The following DNAJC21 variants were observed in gnomAD, a reference collection of about 807,000 sequenced individuals.
The protein encoded by DNAJC21 is DnaJ heat shock protein family (Hsp40) member C21.
In DNAJC21, 63 loss-of-function variants were observed where a neutral mutation model predicts 72.4. The ratio of observed to expected loss-of-function variants is 0.87; its 90% CI spans 0.71 to 1.07. The LOEUF is 1.07. Among genes scored for constraint, DNAJC21 ranks in the 50% least tolerant of loss-of-function variants. The pLI is 0.00. For synonymous variants in DNAJC21, 203 were observed against 216.7 expected (o/e 0.94, Z 0.56); for missense variants, 634 against 644.8 (o/e 0.98, Z 0.18).
chr5:34,934,561 C>A (rs1319572217), intron 2 of DNAJC21, among the ~76,000 whole-genome samples: 2 of 151,966 alleles, frequency 1.3e-5, no homozygotes, highest in African/African-American at 4.8e-5. Flanking sequence ...GAATGGTAAT[C>A]CTCAAAACTA....
intron 9 of DNAJC21, among the ~76,000 whole-genome samples, chr5:34,946,491 T>C (rs971542648): frequency 1.3e-5 from 2 of 152,122 alleles, no homozygotes; most frequent in African/African-American, 4.8e-5. Flanking sequence ...CATTAATGCT[T>C]TTTAATAAAA....
intron 10 of DNAJC21, chr5:34,951,871 C>T: frequency 1.0e-6 from 1 of 985,440 alleles, no homozygotes; most frequent in Non-Finnish European, 1.2e-6. Flanking sequence ...AAGAAGGGTT[C>T]TCAGGCTTGG....
intron 9 of DNAJC21, among the ~76,000 whole-genome samples, chr5:34,948,594 C>A (rs553033201): frequency 3.3e-5 from 5 of 152,168 alleles, no homozygotes; most frequent in Non-Finnish European, 4.4e-5. Context: ...TGGCCAGGTG[C>A]GGTGGCTCAC....
chr5:34,952,797 T>C (rs972208916), intron 10 of DNAJC21: 1 of 152,206 alleles, frequency 6.6e-6, no homozygotes, highest in Non-Finnish European at 1.5e-5. Flanking sequence ...ACAAAGTCTT[T>C]GTTTCACTCA....
At chr5:34,939,263 T>G (rs1026992295) in intron 6 of DNAJC21, among the ~76,000 whole-genome samples, 2 of 142,666 alleles carry the variant, frequency 1.4e-5, no homozygotes, top group Admixed American at 6.8e-5. Flanking sequence ...GTGTGACTAT[T>G]TTTTTTTTTT....
chr5:34,954,103 G>A (rs1765463266), intron 11 of DNAJC21, 102 bp downstream of exon 11: 2 of 1,046,072 alleles, frequency 1.9e-6, no homozygotes, highest in Non-Finnish European at 2.7e-6. Flanking sequence ...ATTCCGCAAA[G>A]AGCCTGCAAA....
chr5:34,958,903 T>C lies in DNAJC21; in HGVS notation c.*4189T>C, dbSNP rs923693807. ...AAAACAAAAAATGAGAAGAGTGGTA[T>C]TGTTTTACATTTTTACAAATCTCTT... On this transcript the variant is annotated 3_prime_UTR_variant, in exon 12 of 12. Coordinates refer to ENST00000648817, the MANE Select transcript of DNAJC21 (RefSeq NM_001012339.3). The C allele has an allele frequency of 6.6e-6, 1 of 152,214 alleles. No individual in the cohort carries two copies. Among genetic ancestry groups the C allele is most frequent in the African/African-American group, 2.4e-5 (1 of 41,450 alleles). 9.4% of individuals were successfully genotyped at this position (152,214 alleles called of 1,614,324 possible).
intron 9 of DNAJC21, among the ~76,000 whole-genome samples, chr5:34,949,243 T>G (rs1311065346): frequency 6.6e-6 from 1 of 152,316 alleles, no homozygotes; most frequent in East Asian, 1.9e-4. Flanking sequence ...ATGTTTAACC[T>G]GAATCTGATC....
intron 9 of DNAJC21, among the ~76,000 whole-genome samples, chr5:34,948,204 G>A (rs537172054): frequency 6.6e-6 from 1 of 152,294 alleles, no homozygotes; most frequent in South Asian, 2.1e-4. Context: ...TTTAAAGAAA[G>A]TAAGTGTGTG....
rs746567825 is a variant in DNAJC21 at position 34,935,808 on chromosome 5, A to T, written c.290A>T (p.Tyr97Phe). ...DLLRYFTVTC[Y>F]SGYGDDEKGF... ...CTACGCTATTTCACCGTTACCTGTTATTCTGGTTATGGAGATGATGAAAAG... is the reference window on the plus strand; with the variant it reads ...CTACGCTATTTCACCGTTACCTGTTTTTCTGGTTATGGAGATGATGAAAAG... The change falls in exon 3 of 12, where the codon TAT becomes TTT. Residue 97 changes from tyrosine to phenylalanine, a missense_variant. By Grantham distance (22) the Tyr-to-Phe change is conservative. Transcript: ENST00000648817. 6.2e-7 allele frequency: 1 copy of T among 1,614,000 alleles called. No individual in the cohort carries two copies. Among genetic ancestry groups the T allele is most frequent in the South Asian group, 1.1e-5 (1 of 91,078 alleles).
At chr5:34,935,575 A>C in intron 2 of DNAJC21, 135 bp from the exon 3 acceptor site, 1 of 950,138 alleles carries the variant, frequency 1.1e-6, no homozygotes, top group Non-Finnish European at 1.5e-6. Flanking sequence ...TTAATATTTC[A>C]TTAAAAATTT....
chr5:34,954,492 C>A, intron 11 of DNAJC21, 61 bp from the exon 12 acceptor site: 1 of 1,501,994 alleles, frequency 6.7e-7, no homozygotes, highest in Admixed American at 2.3e-5. Flanking sequence ...ATATTAAAAC[C>A]TAAAACACTA....
intron 1 of DNAJC21, among the ~76,000 whole-genome samples, chr5:34,932,040 G>A (rs940071262): frequency 6.6e-6 from 1 of 152,182 alleles, no homozygotes; most frequent in Non-Finnish European, 1.5e-5. Flanking sequence ...GTTCTAGGGC[G>A]GCAAAACTAT....
intron 4 of DNAJC21, among the ~76,000 whole-genome samples, chr5:34,937,006 C>A (rs965495974): frequency 1.3e-5 from 2 of 152,226 alleles, no homozygotes; most frequent in African/African-American, 4.8e-5. Flanking sequence ...CCACCTCAGC[C>A]TTCCAAAGTG....
At chr5:34,930,470 C>T (rs1371191244) in intron 1 of DNAJC21, 2 of 151,698 alleles carry the variant, frequency 1.3e-5, no homozygotes, top group African/African-American at 4.8e-5. Context: ...TTTTAATAAG[C>T]TGTTTAAGCA....
chr5:34,942,528 C>T (rs1765028269), intron 7 of DNAJC21, among the ~76,000 whole-genome samples: 1 of 151,828 alleles, frequency 6.6e-6, no homozygotes, highest in Admixed American at 6.6e-5. Context: ...TAGAAACAAG[C>T]AAGAAAAAGG....
At chr5:34,937,072 G>A (rs1451438259) in intron 4 of DNAJC21, among the ~76,000 whole-genome samples, 1 of 152,120 alleles carries the variant, frequency 6.6e-6, no homozygotes, top group Non-Finnish European at 1.5e-5. Context: ...TTTACTAATT[G>A]TTTACTGATT....
At chr5:34,936,700 C>T (rs866144093) in intron 4 of DNAJC21, among the ~76,000 whole-genome samples, 8 of 152,114 alleles carry the variant, frequency 5.3e-5, no homozygotes, top group Non-Finnish European at 1.0e-4. Flanking sequence ...AGTAGCTTTT[C>T]GATCTCTTGC....
intron 9 of DNAJC21, 23 bp from the exon 10 acceptor site, chr5:34,950,147 G>A (rs775504684): frequency 2.5e-6 from 4 of 1,569,486 alleles, no homozygotes; most frequent in African/African-American, 2.7e-5. Flanking sequence ...ATTTTGTAAC[G>A]GCACATATGT....
Sources: gnomAD v4.1 joint callset for allele counts (sites outside exome capture counted in the v4.1 genomes callset) on GRCh38, gnomAD v4.1.1 for gene constraint, MANE v1.5 for transcripts, NCBI Gene and HGNC (gene_info 2026-07-23, HGNC 2026-07-21) for gene names.